The following LEMD3 variants were observed in gnomAD, a reference collection of about 807,000 sequenced individuals.
The protein encoded by LEMD3 is LEM domain containing 3.
In LEMD3, 33 loss-of-function variants were observed where a neutral mutation model predicts 95.2. The observed-to-expected ratio is 0.35, with a 90% CI of 0.26 to 0.46. LEMD3 has a LOEUF of 0.46. LEMD3 is among the 20% of genes least tolerant of loss of function. The pLI is 1.00. For missense variants in LEMD3, 1,210 were observed against 1,192.8 expected (o/e 1.01, Z -0.21); for synonymous variants, 525 against 474.6 (o/e 1.11, Z -1.38).
intron 1 of LEMD3, 118 bp from the exon 2 acceptor site, chr12:65,210,808 G>C (rs1226891189): frequency 7.4e-6 from 6 of 811,832 alleles, no homozygotes; most frequent in African/African-American, 6.7e-5. Flanking sequence ...GTTTACATTT[G>C]GTTCACATAT....
chr12:65,246,442 C>T lies in LEMD3; in HGVS notation c.*117C>T. The T allele has an allele frequency of 1.2e-6, 1 of 822,664 alleles. No homozygotes were observed. The allele number at this position is 822,664 out of a possible 1,614,324, so 51.0% of individuals were successfully genotyped here. A position where few individuals can be genotyped will look rare whatever the true frequency, so the allele number is the denominator to read the frequency against. ...AATATTTTTATTGATGAATACATCT[C>T]TGAACGTTCCAGAAGTCTTAAGGTT... On this transcript the variant is annotated 3_prime_UTR_variant, in exon 13 of 13. Coordinates refer to ENST00000308330, the MANE Select transcript of LEMD3 (RefSeq NM_014319.5).
At chr12:65,204,064 T>G (rs917558457) in intron 1 of LEMD3, among the ~76,000 whole-genome samples, 1 of 152,158 alleles carries the variant, frequency 6.6e-6, no homozygotes, top group Non-Finnish European at 1.5e-5. Context: ...TATACTTGGG[T>G]CTTGTTTTGT....
intron 1 of LEMD3, among the ~76,000 whole-genome samples, chr12:65,177,665 TG>T (rs2136317339): frequency 6.6e-6 from 1 of 152,290 alleles, no homozygotes; most frequent in Non-Finnish European, 1.5e-5. Flanking sequence ...TTTAATGTGT[TG>T]TTGTTTTCTT....
chr12:65,209,704 G>A (rs753903894), intron 1 of LEMD3, among the ~76,000 whole-genome samples: 2 of 151,856 alleles, frequency 1.3e-5, no homozygotes, highest in African/African-American at 4.8e-5. Flanking sequence ...GAGAAATGTC[G>A]TTTAAAAATC....
intron 1 of LEMD3, among the ~76,000 whole-genome samples, chr12:65,207,752 T>A (rs1249118456): frequency 6.6e-6 from 1 of 152,176 alleles, no homozygotes; most frequent in Non-Finnish European, 1.5e-5. Flanking sequence ...ATATCCTTTA[T>A]TCTCCAAATG....
At chr12:65,211,168 G>C (rs1489837163) in intron 2 of LEMD3, among the ~76,000 whole-genome samples, 3 of 152,068 alleles carry the variant, frequency 2.0e-5, no homozygotes, top group Admixed American at 6.5e-5. Context: ...CCTAACTGTC[G>C]TATAATTAAA....
At chr12:65,243,748 A>G (rs1388248012) in intron 10 of LEMD3, among the ~76,000 whole-genome samples, 2 of 152,216 alleles carry the variant, frequency 1.3e-5, no homozygotes, top group Non-Finnish European at 2.9e-5. Flanking sequence ...ATGACTCACA[A>G]TGACAAAGAG....
intron 1 of LEMD3, among the ~76,000 whole-genome samples, chr12:65,201,611 C>G (rs1342317371): frequency 6.6e-6 from 1 of 152,148 alleles, no homozygotes; most frequent in Non-Finnish European, 1.5e-5. Context: ...TGGCATATAG[C>G]AAAGTAGTTG....
chr12:65,241,479 CT>C (rs562349105), intron 9 of LEMD3, among the ~76,000 whole-genome samples: 2 of 151,522 alleles, frequency 1.3e-5, no homozygotes, highest in African/African-American at 4.8e-5. Context: ...TTTAACTGCT[CT>C]TTTTTTTCCA....
intron 1 of LEMD3, among the ~76,000 whole-genome samples, chr12:65,183,154 T>TA (rs1461547065): frequency 1.3e-5 from 2 of 152,150 alleles, no homozygotes; most frequent in African/African-American, 4.8e-5. Context: ...CGTTAAAACA[T>TA]AAAAAAGTTG....
chr12:65,186,380 T>G (rs1565781620), intron 1 of LEMD3, among the ~76,000 whole-genome samples: 2 of 152,100 alleles, frequency 1.3e-5, no homozygotes, highest in Admixed American at 1.3e-4. Context: ...TGTACAAGGT[T>G]GAACTTAATA....
intron 1 of LEMD3, among the ~76,000 whole-genome samples, chr12:65,177,201 G>A (rs545318321): frequency 6.6e-6 from 1 of 152,304 alleles, no homozygotes; most frequent in South Asian, 2.1e-4. Flanking sequence ...CAGAGGACAA[G>A]CATGATCGAA....
At chr12:65,240,484 T>C in intron 8 of LEMD3, 1 of 498,684 alleles carries the variant, frequency 2.0e-6, no homozygotes, top group Non-Finnish European at 3.5e-6. Flanking sequence ...TTCTTTGTTG[T>C]TAGTCTCCAT....
chr12:65,191,276 C>G (rs940162856), intron 1 of LEMD3, among the ~76,000 whole-genome samples: 6 of 152,030 alleles, frequency 3.9e-5, no homozygotes, highest in Admixed American at 3.9e-4. Flanking sequence ...AAAATTATCT[C>G]TGGATGACAG....
Position 65,170,681 on chromosome 12 carries a change from A to G in LEMD3, c.1085A>G (p.Lys362Arg). The G allele has an allele frequency of 6.2e-7, 1 of 1,614,218 alleles. No homozygotes were observed. The highest frequency in any genetic ancestry group is 1.6e-4 in the Middle Eastern group (1 of 6,062). ...SPVPRYRVNA[K>R]KLTPLLPPPL... ...GTTCCTAGATACCGTGTTAACGCTA[A>G]GAAACTGACCCCTCTCCTGCCCCCG... is the stretch of plus-strand genomic sequence containing the variant. The change falls in exon 1 of 13, where the codon AAG (lysine) becomes AGG (arginine). Residue 362 changes from lysine to arginine, a missense_variant. Lys to Arg is a conservative substitution (Grantham distance 26). Around this residue, in one of 2 missense-constraint regions of LEMD3, gnomAD observed 749 missense variants for 622.9 expected, o/e 1.20. Coordinates refer to ENST00000308330, the MANE Select transcript of LEMD3 (RefSeq NM_014319.5).
chr12:65,171,748 A>G (rs1240337135), intron 1 of LEMD3: 1 of 154,922 alleles, frequency 6.5e-6, no homozygotes, highest in East Asian at 1.9e-4. Flanking sequence ...TTGCAGTCAG[A>G]TTTCCTTGGA....
chr12:65,234,495 C>T (rs888732065), intron 4 of LEMD3, among the ~76,000 whole-genome samples: 6 of 151,884 alleles, frequency 4.0e-5, no homozygotes, highest in Non-Finnish European at 7.4e-5. Flanking sequence ...TCTAGAATGC[C>T]GTATATATAT....
In LEMD3 at chr12:65,170,025, G is replaced by A. The variant is rs981122964; in HGVS notation, c.429G>A (p.Glu143=). The change falls in exon 1 of 13, where the codon GAG becomes GAA. Residue 143 remains glutamate, a synonymous_variant. Transcript: ENST00000308330. The part of the protein sequence containing the change: ...SKVLLGFSSD[E]SDVEASPRDQ... ...TGCTGCTGGGCTTCAGCTCGGACGA[G>A]TCGGACGTGGAGGCCAGTCCCCGGG... is the stretch of plus-strand genomic sequence containing the variant. 4.6e-5 allele frequency: 69 copies of A among 1,515,872 alleles called. No homozygotes were observed. The highest frequency in any genetic ancestry group is 5.8e-5 in the Non-Finnish European group (66 of 1,139,948). 93.9% of individuals were successfully genotyped at this position (1,515,872 alleles called of 1,614,324 possible).
chr12:65,204,297 C>G (rs1156689032), intron 1 of LEMD3, among the ~76,000 whole-genome samples: 2 of 151,946 alleles, frequency 1.3e-5, no homozygotes, highest in Non-Finnish European at 2.9e-5. Context: ...AGGCCAGCAT[C>G]CATTAGCTGT....
Sources: allele counts gnomAD v4.1 joint callset (sites outside exome capture counted in the v4.1 genomes callset), GRCh38; gene constraint gnomAD v4.1.1; regional missense constraint gnomAD v4.1.1; transcripts MANE v1.5; gene names NCBI Gene and HGNC (gene_info 2026-07-23, HGNC 2026-07-21).